Variants in UVRAG observed in about 807,000 individuals in gnomAD.
UVRAG encodes UV radiation resistance associated, also known as UV radiation resistance-associated gene protein.
Under a neutral mutation model 78.0 loss-of-function variants are expected in UVRAG, and 19 were observed. The observed-to-expected ratio is 0.24, with a 90% CI of 0.17 to 0.36. UVRAG has a LOEUF of 0.36. UVRAG is among the 10% of genes least tolerant of loss of function. The pLI, the probability that UVRAG is intolerant of heterozygous loss-of-function variation, is 1.00. For synonymous variants in UVRAG, 323 were observed against 324.6 expected (o/e 1.00, Z 0.05); for missense variants, 740 against 853.8 (o/e 0.87, Z 1.66).
intron 2 of UVRAG, among the ~76,000 whole-genome samples, chr11:75,859,778 G>A (rs940941126): frequency 2.6e-5 from 4 of 152,070 alleles, no homozygotes; most frequent in African/African-American, 9.7e-5. Flanking sequence ...GCTACACAGT[G>A]TAGGTTCATG....
Position 76,141,496 on chromosome 11 carries a change from A to G in UVRAG, c.*83A>G. 2.3e-6 allele frequency: 3 copies of G among 1,280,758 alleles called. No homozygotes were observed. Among genetic ancestry groups the G allele is most frequent in the African/African-American group, 1.5e-5 (1 of 67,700 alleles). The allele number at this position is 1,280,758 out of a possible 1,614,324, so 79.3% of individuals were successfully genotyped here. ...CTGCACTTAACCCTTTGTGATAATG[A>G]TGACACAAAATGAATATTAATGGAG... On this transcript the variant is annotated 3_prime_UTR_variant, in exon 15 of 15. Transcript: ENST00000356136.
intron 4 of UVRAG, among the ~76,000 whole-genome samples, chr11:75,884,663 A>G (rs769926661): frequency 2.0e-5 from 3 of 152,100 alleles, no homozygotes; most frequent in East Asian, 1.9e-4. Context: ...TGCAAAGGCT[A>G]TTATTTCTCC....
chr11:75,982,374 G>T (rs1431273946), intron 7 of UVRAG, among the ~76,000 whole-genome samples: 1 of 152,200 alleles, frequency 6.6e-6, no homozygotes, highest in Non-Finnish European at 1.5e-5. Context: ...GCTGGGAGGA[G>T]GAGAGATGCC....
At chr11:75,907,224 A>G (rs1947634914) in intron 5 of UVRAG, among the ~76,000 whole-genome samples, 2 of 152,220 alleles carry the variant, frequency 1.3e-5, no homozygotes, top group South Asian at 2.1e-4. Flanking sequence ...TGTTCTGGCT[A>G]GAACTTAGAG....
Position 76,092,682 on chromosome 11 carries a change from G to A in UVRAG, c.1306-23242G>A, listed in dbSNP as rs930662247. Among the ~76,000 whole-genome samples, 6 of 152,146 alleles carry A rather than the reference G, an allele frequency of 3.9e-5. No homozygotes were observed. The East Asian group carries it at 5.8e-4, about 15-fold the overall frequency. On this transcript the variant is annotated intron_variant, in intron 13 of 14. Coordinates refer to ENST00000356136, the MANE Select transcript of UVRAG (RefSeq NM_003369.4). Reference sequence around the variant, plus strand: ...TATCCTTCACCCACTTTTTGATGGGGTTGTTTTTTTTCTTGTAAATTTGTT... The same window carrying A: ...TATCCTTCACCCACTTTTTGATGGGATTGTTTTTTTTCTTGTAAATTTGTT...
At chr11:75,875,332 G>T (rs1946743404) in intron 3 of UVRAG, among the ~76,000 whole-genome samples, 1 of 152,102 alleles carries the variant, frequency 6.6e-6, no homozygotes, top group Non-Finnish European at 1.5e-5. Flanking sequence ...GTCTGAAAAT[G>T]TATTCATTTT....
At chr11:76,061,133 C>T (rs1951080876) in intron 12 of UVRAG, among the ~76,000 whole-genome samples, 1 of 152,204 alleles carries the variant, frequency 6.6e-6, no homozygotes, top group African/African-American at 2.4e-5. Flanking sequence ...CACCAATCAG[C>T]ACCCTGTGTC....
intron 14 of UVRAG, chr11:76,137,404 C>T (rs1380401546): frequency 2.2e-6 from 1 of 456,078 alleles, no homozygotes; most frequent in African/African-American, 2.0e-5. Context: ...ATATCAGTGG[C>T]CCAGAGGCAA....
chr11:75,996,649 C>T (rs1429606016), intron 8 of UVRAG, among the ~76,000 whole-genome samples: 1 of 152,040 alleles, frequency 6.6e-6, no homozygotes, highest in East Asian at 1.9e-4. Context: ...TGAGCAATTC[C>T]AGTAAAGCTT....
intron 1 of UVRAG, among the ~76,000 whole-genome samples, chr11:75,822,683 TAAAC>T (rs1382661308): frequency 6.9e-6 from 1 of 145,540 alleles, no homozygotes; most frequent in African/African-American, 2.7e-5. Context: ...TTTTTTTAAA[TAAAC>T]AATATTACAC....
At chr11:75,833,805 G>A (rs1199146332) in intron 1 of UVRAG, among the ~76,000 whole-genome samples, 2 of 152,234 alleles carry the variant, frequency 1.3e-5, no homozygotes, top group South Asian at 4.1e-4. Flanking sequence ...TGCAGCAGGA[G>A]CATGTCCTTA....
At chr11:75,825,268 C>G (rs2135810198) in intron 1 of UVRAG, among the ~76,000 whole-genome samples, 1 of 152,152 alleles carries the variant, frequency 6.6e-6, no homozygotes, top group South Asian at 2.1e-4. Context: ...TGCCCACCAC[C>G]CCACCTGGCT....
intron 2 of UVRAG, among the ~76,000 whole-genome samples, chr11:75,860,944 C>T (rs1946408139): frequency 6.6e-6 from 1 of 152,000 alleles, no homozygotes; most frequent in Admixed American, 6.6e-5. Flanking sequence ...TGCCACCACA[C>T]CTAATTTTTG....
chr11:75,941,173 A>G (rs913005952), intron 6 of UVRAG, among the ~76,000 whole-genome samples: 1 of 152,186 alleles, frequency 6.6e-6, no homozygotes. Flanking sequence ...ACTCAAGAGC[A>G]AACTGCATAA....
At chr11:75,871,280 C>T (rs61892924) in intron 3 of UVRAG, among the ~76,000 whole-genome samples, 1 of 147,160 alleles carries the variant, frequency 6.8e-6, no homozygotes, top group South Asian at 2.1e-4. Flanking sequence ...ATGGCATATG[C>T]CCTTTTTTTT....
chr11:76,040,553 GT>G (rs1950628203), intron 12 of UVRAG, among the ~76,000 whole-genome samples: 1 of 151,398 alleles, frequency 6.6e-6, no homozygotes, highest in South Asian at 2.1e-4. Flanking sequence ...TGTTTGTTTT[GT>G]TTTGTTTTTT....
intron 6 of UVRAG, among the ~76,000 whole-genome samples, chr11:75,936,535 A>G (rs1236841784): frequency 2.6e-5 from 4 of 152,180 alleles, no homozygotes; most frequent in African/African-American, 9.7e-5. Context: ...TGGTAGTATA[A>G]GTATTTATTT....
intron 3 of UVRAG, among the ~76,000 whole-genome samples, chr11:75,876,990 C>T (rs542745196): frequency 4.7e-4 from 71 of 151,392 alleles, no homozygotes; most frequent in African/African-American, 1.7e-3. Flanking sequence ...GCAGAGGACC[C>T]TGCGGCCTTC....
intron 1 of UVRAG, among the ~76,000 whole-genome samples, chr11:75,849,378 C>T (rs902403592): frequency 1.3e-5 from 2 of 151,222 alleles, no homozygotes; most frequent in African/African-American, 4.9e-5. Context: ...CCTGTAGTCC[C>T]AGCTACTTGG....
Sources: allele counts gnomAD v4.1 joint callset (sites outside exome capture counted in the v4.1 genomes callset), GRCh38; gene constraint gnomAD v4.1.1; transcripts MANE v1.5; gene names NCBI Gene and HGNC (gene_info 2026-07-23, HGNC 2026-07-21).